Variants in TRIM37 observed in about 807,000 individuals in gnomAD.
The protein encoded by TRIM37 is E3 ubiquitin-protein ligase TRIM37.
A neutral mutation model predicts 129.8 loss-of-function variants in TRIM37; 80 were observed. The observed-to-expected ratio is 0.62, with a 90% confidence interval of 0.51 to 0.74. TRIM37 has a LOEUF of 0.74. Among genes scored for constraint, TRIM37 ranks in the 30% least tolerant of loss-of-function variants. TRIM37 has a pLI of 0.00. For missense variants in TRIM37, 1,054 were observed against 1,176.5 expected (o/e 0.90, Z 1.52); for synonymous variants, 389 against 387.1 (o/e 1.00, Z -0.06).
chr17:59,083,180 A>T (rs1263072311), intron 5 of TRIM37, among the ~76,000 whole-genome samples: 7 of 152,204 alleles, frequency 4.6e-5, no homozygotes, highest in African/African-American at 1.7e-4. Context: ...TTACCCCTGT[A>T]ATCCCAGCAC....
downstream of TRIM37, chr17:58,981,037 C>A: frequency 6.4e-7 from 1 of 1,570,034 alleles, no homozygotes. Flanking sequence ...AATAATTTTT[C>A]TTTCAAGTAG....
chr17:59,025,378 T>A lies in TRIM37; in HGVS notation c.2257+3037A>T, dbSNP rs1477545879. On this transcript the variant is annotated intron_variant, in intron 19 of 23. Transcript: ENST00000262294. ...GACCCATGAATATTATTGCCATGAATATTATTATTAATTATAATATTATTA... is the reference window on the plus strand; with the variant it reads ...GACCCATGAATATTATTGCCATGAAAATTATTATTAATTATAATATTATTA... 2.0e-5 allele frequency among the ~76,000 whole-genome samples: 3 copies of A among 151,178 alleles called. No homozygotes were observed. In the East Asian group the frequency reaches 5.8e-4, roughly 29 times the overall value.
intron 9 of TRIM37, among the ~76,000 whole-genome samples, chr17:59,068,265 C>T (rs1455294632): frequency 6.6e-6 from 1 of 152,120 alleles, no homozygotes; most frequent in Non-Finnish European, 1.5e-5. Context: ...TTACATACAT[C>T]AATGGTTCCC....
At chr17:58,967,785 T>C in the TRIM37 span, among the ~76,000 whole-genome samples, 9 of 151,752 alleles carry the variant, frequency 5.9e-5, no homozygotes, top group African/African-American at 2.2e-4. Flanking sequence ...AAATTCTACC[T>C]GTCAGCATTC....
In TRIM37 at chr17:59,042,430, TTAAAAAAAA is replaced by T. The variant is rs1321697081; in HGVS notation, c.1668-541_1668-533del. Among the ~76,000 whole-genome samples, 157 of 92,060 alleles carry T rather than the reference TTAAAAAAAA, an allele frequency of 1.7e-3. 4 individuals are homozygous for T. Among genetic ancestry groups the T allele is most frequent in the East Asian group, 2.4e-3 (8 of 3,332 alleles). The allele number at this position is 92,060 out of a possible 152,430, so 60.4% of individuals were successfully genotyped here. A position where few individuals can be genotyped will look rare whatever the true frequency, so the allele number is the denominator to read the frequency against. On this transcript the variant is annotated intron_variant, in intron 16 of 23. Transcript: ENST00000262294. ...TTAGAAAGCTAAGAAAAAAAGGAAT[TTAAAAAAAA>T]AAAAAAAAAAATATATATATATATA...
Position 59,049,378 on chromosome 17 carries a change from G to A in TRIM37, c.1330C>T (p.Leu444=), listed in dbSNP as rs143621221. Residue 444 remains leucine (L), a synonymous_variant, in exon 15 of 24, where the codon CTG becomes TTG. Coordinates refer to ENST00000262294, the MANE Select transcript of TRIM37 (RefSeq NM_015294.6). ...TCTCTTGACTTCTGAGTTCGAGACA[G>A]CTCAATAGTAAGTCTCTTTTAAAAC... ...NNLKERLTIE[L]SRTQKSRDLS... 1.5e-4 allele frequency: 247 copies of A among 1,613,936 alleles called. 1 individual carries two copies. In the East Asian group the frequency reaches 5.5e-3, roughly 36 times the overall value.
At chr17:59,017,261 C>T (rs1409101317) in intron 20 of TRIM37, 35 bp downstream of exon 20, 2 of 1,611,104 alleles carry the variant, frequency 1.2e-6, no homozygotes, top group Admixed American at 1.7e-5. Context: ...AATATTTACC[C>T]CACTAAAAGT....
chr17:59,050,973 CCTT>C lies in TRIM37; in HGVS notation c.1314+238_1314+240del, dbSNP rs148488138. Among the ~76,000 whole-genome samples, 355 of 151,988 alleles carry C rather than the reference CCTT, an allele frequency of 2.3e-3. 10 individuals carry two copies. The East Asian group carries it at 0.065, about 28-fold the overall frequency. On this transcript the variant is annotated intron_variant, in intron 14 of 23. Coordinates refer to ENST00000262294, the MANE Select transcript of TRIM37 (RefSeq NM_015294.6). The stretch of plus-strand genomic sequence containing the variant: ...CCAGCCTGGGCAACAGAGCGAGACT[CCTT>C]CTCAAAAAAAATAAATAAATAAAGT...
chr17:59,042,440 A>AT (rs1568065444), intron 16 of TRIM37, among the ~76,000 whole-genome samples: 47 of 65,414 alleles, frequency 7.2e-4, no homozygotes, highest in African/African-American at 2.7e-3. Flanking sequence ...TTAAAAAAAA[A>AT]AAAAAAAAAA....
In TRIM37 at chr17:58,999,041, A is replaced by C; in HGVS notation, c.*336T>G. The stretch of plus-strand genomic sequence containing the variant: ...GCCGGGCGGGTTACTGACGGCATGC[A>C]GGGCCTGGAGGTACATTTTCTGGCA... On this transcript the variant is annotated 3_prime_UTR_variant, in exon 24 of 24. Transcript: ENST00000262294. The C allele has an allele frequency of 8.8e-7, 1 of 1,138,428 alleles. No individual in the cohort carries two copies. The highest frequency in any genetic ancestry group is 1.1e-6 in the Non-Finnish European group (1 of 921,678). 70.5% of individuals were successfully genotyped at this position (1,138,428 alleles called of 1,614,324 possible).
In TRIM37 at chr17:59,100,257, T is replaced by A. The variant is rs375867649; in HGVS notation, c.123+4036A>T. 6.6e-5 allele frequency among the ~76,000 whole-genome samples: 10 copies of A among 152,332 alleles called. No homozygotes were observed. The East Asian group carries it at 1.5e-3, about 23-fold the overall frequency. ...ACATAATCTCTATCCGTTCCATTAC[T>A]AATTATTTACCCAAGAGAAAAGAAA... On this transcript the variant is annotated intron_variant, in intron 2 of 23. Coordinates refer to ENST00000262294, the MANE Select transcript of TRIM37 (RefSeq NM_015294.6).
chr17:58,980,590 G>A (rs1011779488), downstream of TRIM37: 1 of 1,614,066 alleles, frequency 6.2e-7, no homozygotes, highest in African/African-American at 1.3e-5. The surrounding 1 kb of genome is among the most constrained non-coding windows in gnomAD (Gnocchi z 4.7). Flanking sequence ...TAATGATGGA[G>A]AAAAAATCAG....
At chr17:59,011,959 G>GT (rs1170614498) in intron 22 of TRIM37, among the ~76,000 whole-genome samples, 16 of 152,088 alleles carry the variant, frequency 1.1e-4, no homozygotes, top group Admixed American at 5.2e-4. Context: ...TCGATGCCTG[G>GT]TATGTAGGTG....
At chr17:59,036,333 G>A (rs1247507208) in intron 17 of TRIM37, among the ~76,000 whole-genome samples, 2 of 152,106 alleles carry the variant, frequency 1.3e-5, no homozygotes, top group African/African-American at 4.8e-5. Flanking sequence ...TTAAATGAAA[G>A]ACAATTTATG....
At chr17:59,045,977 C>T (rs1373379233) in intron 16 of TRIM37, among the ~76,000 whole-genome samples, 3 of 151,930 alleles carry the variant, frequency 2.0e-5, no homozygotes, top group African/African-American at 7.3e-5. Flanking sequence ...GATCGTGACA[C>T]TGCATGCCAG....
intron 23 of TRIM37, among the ~76,000 whole-genome samples, chr17:59,000,104 C>A (rs2033501151): frequency 6.6e-6 from 1 of 152,174 alleles, no homozygotes; most frequent in Non-Finnish European, 1.5e-5. Context: ...CTCTGGGTAA[C>A]TTTAAATGTG....
chr17:59,081,737 G>A lies in TRIM37; in HGVS notation c.370-518C>T, dbSNP rs182630286. 7.6e-4 allele frequency among the ~76,000 whole-genome samples: 115 copies of A among 151,026 alleles called. 2 individuals carry two copies. In the East Asian group the frequency reaches 0.015, roughly 20 times the overall value. ...GGCCTGGCCAACACGGCAAAAACACGTCTCTACTAAAATACAAAATGTAGC... is the reference window on the plus strand; with the variant it reads ...GGCCTGGCCAACACGGCAAAAACACATCTCTACTAAAATACAAAATGTAGC... On this transcript the variant is annotated intron_variant, in intron 5 of 23. Transcript: ENST00000262294.
intron 17 of TRIM37, among the ~76,000 whole-genome samples, chr17:59,037,381 A>AC (rs2038645206): frequency 1.3e-5 from 2 of 151,570 alleles, no homozygotes; most frequent in Admixed American, 6.6e-5. Flanking sequence ...ACACGGTGAA[A>AC]CCCCATCTCT....
intron 10 of TRIM37, 59 bp downstream of exon 10, chr17:59,064,296 C>A: frequency 1.5e-6 from 2 of 1,322,130 alleles, no homozygotes; most frequent in South Asian, 1.3e-5. Flanking sequence ...CAAAGAATAC[C>A]TTTCTGGCTC....
Sources: allele counts gnomAD v4.1 joint callset (sites outside exome capture counted in the v4.1 genomes callset), GRCh38; gene constraint gnomAD v4.1.1; non-coding constraint Gnocchi (gnomAD v3.1); transcripts MANE v1.5; gene names NCBI Gene and HGNC (gene_info 2026-07-23, HGNC 2026-07-21).